CYFIP2: variants seen among roughly 807,000 people sequenced by gnomAD.
CYFIP2 encodes the protein cytoplasmic FMR1 interacting protein 2.
CYFIP2 carries 29 observed loss-of-function variants against 158.7 expected under a neutral mutation model. That is an observed-to-expected ratio of 0.18 (90% CI 0.14 to 0.25). CYFIP2 has a LOEUF of 0.25. Among genes scored for constraint, CYFIP2 ranks in the 10% least tolerant of loss-of-function variants. CYFIP2 has a pLI of 1.00. For synonymous variants in CYFIP2, 585 were observed against 617.6 expected, an observed-to-expected ratio of 0.95 and a Z score of 0.78; for missense variants, 852 against 1,639.5, an observed-to-expected ratio of 0.52 and a Z score of 8.29.
chr5:157,363,236 AGGATGTTAC>A (rs1445507393), intron 26 of CYFIP2: 6 of 152,368 alleles, frequency 3.9e-5, no homozygotes, highest in African/African-American at 1.2e-4. Context: ...AGAAGGAAAC[AGGATGTTAC>A]TCTGGGATGC....
chr5:157,351,952 C>T lies in CYFIP2; in HGVS notation c.2674-7053C>T, dbSNP rs571181301. On this transcript the variant is annotated intron_variant, in intron 23 of 30. Coordinates refer to ENST00000620254, the MANE Select transcript of CYFIP2 (RefSeq NM_001037333.3). ...TGTTTCCTCTTCTGAACAGGCCCTA[C>T]TCTGGAGTCTAAGTTCTTCTGTGCA... Among the ~76,000 whole-genome samples, 5 of 152,270 alleles carry T rather than the reference C, an allele frequency of 3.3e-5. No individual in the cohort carries two copies. The East Asian group carries it at 7.7e-4, about 24-fold the overall frequency.
At chr5:157,295,003 A>G in intron 4 of CYFIP2, 143 bp downstream of exon 4, 1 of 581,684 alleles carries the variant, frequency 1.7e-6, no homozygotes. Flanking sequence ...AGAACCTGGA[A>G]GACATTCAGA....
chr5:157,293,129 C>T (rs1477981332), intron 3 of CYFIP2, among the ~76,000 whole-genome samples: 4 of 152,070 alleles, frequency 2.6e-5, no homozygotes, highest in African/African-American at 9.7e-5. Context: ...AATCTAAGCT[C>T]ATTGCAGCCT....
intron 23 of CYFIP2, chr5:157,343,293 C>T (rs1004079254): frequency 1.9e-6 from 3 of 1,614,206 alleles, no homozygotes; most frequent in Admixed American, 3.3e-5. Flanking sequence ...TAAGGGAAGG[C>T]AGCCTTCTTA....
intron 28 of CYFIP2, chr5:157,384,488 C>T (rs897283977): frequency 6.6e-6 from 3 of 456,720 alleles, no homozygotes; most frequent in African/African-American, 4.0e-5. Context: ...GACTCAAATC[C>T]TCAGCGGAGG....
At chr5:157,280,435 G>A (rs566068027) in intron 1 of CYFIP2, among the ~76,000 whole-genome samples, 7 of 150,700 alleles carry the variant, frequency 4.6e-5, no homozygotes, top group African/African-American at 1.5e-4. Context: ...GGCTGGTCAG[G>A]CTGGTCTCGA....
intron 26 of CYFIP2, among the ~76,000 whole-genome samples, chr5:157,379,428 T>A (rs984639573): frequency 6.6e-6 from 1 of 151,778 alleles, no homozygotes; most frequent in Non-Finnish European, 1.5e-5. Flanking sequence ...ATTGATAAGC[T>A]GAATAGTGCT....
At chr5:157,293,960 A>G (rs1758043129) in intron 3 of CYFIP2, among the ~76,000 whole-genome samples, 1 of 152,096 alleles carries the variant, frequency 6.6e-6, no homozygotes, top group Non-Finnish European at 1.5e-5. Context: ...GGGCCATTGG[A>G]CCAGTCGAGT....
intron 3 of CYFIP2, among the ~76,000 whole-genome samples, chr5:157,293,011 TATG>T (rs1416896627): frequency 5.8e-4 from 21 of 36,134 alleles, no homozygotes; most frequent in African/African-American, 4.2e-3. Flanking sequence ...TGAGCCCAGA[TATG>T]TATGTATGTA....
chr5:157,375,654 C>CTCA (rs1239511957), intron 26 of CYFIP2: 3 of 134,820 alleles, frequency 2.2e-5, no homozygotes, highest in Non-Finnish European at 4.7e-5. Flanking sequence ...TTTTTTTTAG[C>CTCA]TCATCAGCTG....
intron 23 of CYFIP2, among the ~76,000 whole-genome samples, chr5:157,348,141 T>C (rs905531330): frequency 2.6e-4 from 39 of 152,248 alleles, no homozygotes; most frequent in Non-Finnish European, 1.2e-4. Flanking sequence ...AGTAGTAAAT[T>C]ACTGCTAGAG....
At chr5:157,378,486 A>G (rs1383885722) in intron 26 of CYFIP2, among the ~76,000 whole-genome samples, 1 of 152,196 alleles carries the variant, frequency 6.6e-6, no homozygotes, top group African/African-American at 2.4e-5. Context: ...ATTCTTGGTA[A>G]CTTTGCAATT....
rs759851427 is a variant in CYFIP2, at chr5:157,339,047, C to A, written c.2386-10C>A. 3.7e-6 allele frequency: 6 copies of A among 1,607,022 alleles called. No homozygotes were observed. Among genetic ancestry groups the A allele is most frequent in the Non-Finnish European group, 3.4e-6 (4 of 1,176,224 alleles). On this transcript the variant is annotated splice_polypyrimidine_tract_variant and intron_variant, in intron 21 of 30. Transcript: ENST00000620254. ...AGTCCTCAGCAGTTGTGGGCTCTCT[C>A]TCTGTACAGGAGCTGGAGTGGCTGC...
At chr5:157,381,362 T>TA (rs11380239) in intron 26 of CYFIP2, among the ~76,000 whole-genome samples, 15,960 of 143,078 alleles carry the variant, frequency 0.11, 918 homozygotes, top group Middle Eastern at 0.17. Context: ...GTAGGTATGA[T>TA]AAAAAAAAAA....
At chr5:157,391,625 T>C (rs1767297895) in intron 30 of CYFIP2, among the ~76,000 whole-genome samples, 1 of 152,220 alleles carries the variant, frequency 6.6e-6, no homozygotes, top group African/African-American at 2.4e-5. Flanking sequence ...ATCCTTTTTA[T>C]GGCTGTATAA....
chr5:157,314,226 A>C, intron 11 of CYFIP2, 118 bp from the exon 12 acceptor site: 1 of 1,305,044 alleles, frequency 7.7e-7, no homozygotes, highest in South Asian at 1.8e-5. Context: ...GCCTCAGTTT[A>C]TCTGTCAAGG....
At chr5:157,354,147 C>T (rs1047862201) in intron 23 of CYFIP2, among the ~76,000 whole-genome samples, 1 of 152,018 alleles carries the variant, frequency 6.6e-6, no homozygotes. Flanking sequence ...TAAGAAAATG[C>T]AGGTCTGCGT....
At chr5:157,313,363 A>AT (rs1003307641) in intron 11 of CYFIP2, among the ~76,000 whole-genome samples, 12 of 152,128 alleles carry the variant, frequency 7.9e-5, no homozygotes, top group African/African-American at 1.9e-4. Context: ...TAGAACACGT[A>AT]TTTTTTTTCC....
intron 26 of CYFIP2, among the ~76,000 whole-genome samples, chr5:157,366,042 A>G (rs543655792): frequency 6.6e-6 from 1 of 152,232 alleles, no homozygotes; most frequent in African/African-American, 2.4e-5. Flanking sequence ...TTAGCTTCAA[A>G]GCAGTTTTCA....
Sources: gnomAD v4.1 joint callset for allele counts (sites outside exome capture counted in the v4.1 genomes callset) on GRCh38, gnomAD v4.1.1 for gene constraint, MANE v1.5 for transcripts, NCBI Gene and HGNC (gene_info 2026-07-23, HGNC 2026-07-21) for gene names.